WDR86: variants seen among roughly 807,000 people sequenced by gnomAD.
The protein encoded by WDR86 is WD repeat domain 86, also known as WD repeat-containing protein 86.
WDR86 carries 30 observed loss-of-function variants against 36.5 expected under a neutral mutation model. The observed-to-expected ratio is 0.82, with a 90% CI of 0.61 to 1.11. The LOEUF is 1.11. WDR86 is among the 50% of genes most tolerant of loss of function. WDR86 has a pLI of 0.00. For synonymous variants in WDR86, 255 were observed against 252.9 expected, an observed-to-expected ratio of 1.01 and a Z score of -0.08; for missense variants, 545 against 561.2, an observed-to-expected ratio of 0.97 and a Z score of 0.29.
intron 2 of WDR86, among the ~76,000 whole-genome samples, chr7:151,398,484 A>ATG (rs2150830378): frequency 1.3e-5 from 1 of 76,712 alleles, no homozygotes; most frequent in African/African-American, 4.3e-5. Context: ...TAAGGTGTGT[A>ATG]TGTGTATATG....
At chr7:151,404,228 T>TAA (rs148524576) in intron 1 of WDR86, among the ~76,000 whole-genome samples, 6 of 149,950 alleles carry the variant, frequency 4.0e-5, no homozygotes, top group Non-Finnish European at 7.4e-5. Context: ...AAGGAAGGTT[T>TAA]AAAAAAAAAA....
At chr7:151,392,594 C>A (rs548070101) in intron 3 of WDR86, among the ~76,000 whole-genome samples, 1 of 152,152 alleles carries the variant, frequency 6.6e-6, no homozygotes, top group Non-Finnish European at 1.5e-5. Context: ...ACGAGCCTGG[C>A]TCCCAGGTCG....
At position 151,405,945 on chromosome 7, in the gene WDR86, G is replaced by A. The variant is rs1003876713; in HGVS notation, c.163+3482C>T. Among the ~76,000 whole-genome samples, 1 of 152,040 alleles carries A rather than the reference G, an allele frequency of 6.6e-6. No individual in the cohort carries two copies. Among genetic ancestry groups the A allele is most frequent in the Non-Finnish European group, 1.5e-5 (1 of 68,030 alleles). On this transcript the variant is annotated intron_variant, in intron 1 of 5. Coordinates refer to ENST00000334493, the MANE Select transcript of WDR86 (RefSeq NM_198285.3). This position sits in a 1 kb window ranked among gnomAD's most constrained non-coding sequence, Gnocchi z 4.7. The stretch of plus-strand genomic sequence containing the variant: ...CCCCTACTCAACAGGAACAGGATAG[G>A]ATAGGTACTACCATTTTGGAAAATG...
chr7:151,371,258 C>T (rs1289708510), downstream of WDR86, among the ~76,000 whole-genome samples: 4 of 152,062 alleles, frequency 2.6e-5, no homozygotes, highest in South Asian at 2.1e-4. Flanking sequence ...ATTTATTGGC[C>T]GTTTACTTGT....
intron 3 of WDR86, among the ~76,000 whole-genome samples, chr7:151,393,939 G>C (rs761803925): frequency 2.6e-5 from 4 of 152,136 alleles, no homozygotes; most frequent in Non-Finnish European, 5.9e-5. Flanking sequence ...GCATAAGGAT[G>C]ATGTCGAGTT....
chr7:151,405,379 G>A lies in WDR86; in HGVS notation c.163+4048C>T, dbSNP rs1000807232. Among the ~76,000 whole-genome samples the A allele has an allele frequency of 6.6e-6, 1 of 152,104 alleles. No individual in the cohort carries two copies. Among genetic ancestry groups the A allele is most frequent in the Non-Finnish European group, 1.5e-5 (1 of 68,010 alleles). ...TCCAGGATGCAGTGGCTGCGTCCCC[G>A]ACTCAGGCCCAGAAGAGGTGACAGC... On this transcript the variant is annotated intron_variant, in intron 1 of 5. Coordinates refer to ENST00000334493, the MANE Select transcript of WDR86 (RefSeq NM_198285.3). The surrounding 1 kb of genome is among the most constrained non-coding windows in gnomAD (Gnocchi z 4.7).
chr7:151,377,481 G>T (rs1798355864), downstream of WDR86: 3 of 287,146 alleles, frequency 1.0e-5, no homozygotes, highest in African/African-American at 4.4e-5. Context: ...TCCCCAGCTT[G>T]GTGTTTTACC....
intron 4 of WDR86, 77 bp downstream of exon 4, chr7:151,385,011 A>C (rs1182434564): frequency 6.8e-7 from 1 of 1,461,764 alleles, no homozygotes; most frequent in African/African-American, 1.4e-5. Flanking sequence ...ATGAGGGAAA[A>C]TCCCATAGGA....
At chr7:151,372,972 A>T (rs561005069), downstream of WDR86, among the ~76,000 whole-genome samples, 4 of 152,164 alleles carry the variant, frequency 2.6e-5, no homozygotes, top group Admixed American at 2.6e-4. Flanking sequence ...ATCCCTGGAG[A>T]TGTTTCCAGC....
Position 151,381,737 on chromosome 7 carries a change from G to T in WDR86, c.976C>A (p.Gln326Lys), listed in dbSNP as rs1484406597. 4 of 1,514,572 alleles carry T rather than the reference G, an allele frequency of 2.6e-6. No individual in the cohort carries two copies. 93.8% of individuals were successfully genotyped at this position (1,514,572 alleles called of 1,614,324 possible). A position where few individuals can be genotyped will look rare whatever the true frequency, so the allele number is the denominator to read the frequency against. ...TCGTGCGAGGCGGTGTAGAGCACCTGGCCGTGCACCTGCGGGCGCAGGGGC... is the reference window on the plus strand; with the variant it reads ...TCGTGCGAGGCGGTGTAGAGCACCTTGCCGTGCACCTGCGGGCGCAGGGGC... ...FIINCIQVHG[Q>K]VLYTASHDGA... Residue 326 changes from glutamine (Q) to lysine (K), a missense_variant, in exon 6 of 6, where the codon CAG becomes AAG. Coordinates refer to ENST00000334493, the MANE Select transcript of WDR86 (RefSeq NM_198285.3). The surrounding 1 kb of genome is among the most constrained non-coding windows in gnomAD (Gnocchi z 4.8).
intron 1 of WDR86, 28 bp from the exon 2 acceptor site, chr7:151,400,269 A>G: frequency 1.3e-6 from 2 of 1,556,868 alleles, no homozygotes; most frequent in South Asian, 1.2e-5. Context: ...GGGAGATGTG[A>G]GCGTACTGGG....
At chr7:151,392,096 G>A (rs1055807953) in intron 3 of WDR86, among the ~76,000 whole-genome samples, 7 of 152,150 alleles carry the variant, frequency 4.6e-5, no homozygotes, top group African/African-American at 1.7e-4. Context: ...GCAGGGCAAG[G>A]TGCTGCCCAG....
At chr7:151,407,756 G>T (rs188842212) in intron 1 of WDR86, among the ~76,000 whole-genome samples, 1 of 152,108 alleles carries the variant, frequency 6.6e-6, no homozygotes, top group Non-Finnish European at 1.5e-5. Context: ...CAGGAGAATC[G>T]CTTGAACCCG....
In WDR86 at chr7:151,381,241, C is replaced by A. The variant is rs1236312064; in HGVS notation, c.*341G>T. On this transcript the variant is annotated 3_prime_UTR_variant, in exon 6 of 6. Coordinates refer to ENST00000334493, the MANE Select transcript of WDR86 (RefSeq NM_198285.3). The surrounding 1 kb of genome is among the most constrained non-coding windows in gnomAD (Gnocchi z 4.8). ...AGTCACTTCCTCTCAGCAGGAAAGG[C>A]CCAGTTTCGTGGGGCTGGGGGAGCT... 6 of 1,300,372 alleles carry A rather than the reference C, an allele frequency of 4.6e-6. No individual in the cohort carries two copies. In the African/African-American group the frequency reaches 9.3e-5, roughly 20 times the overall value. The allele number at this position is 1,300,372 out of a possible 1,614,324, so 80.6% of individuals were successfully genotyped here.
intron 4 of WDR86, among the ~76,000 whole-genome samples, chr7:151,384,393 G>A (rs7794724): frequency 0.013 from 1,978 of 152,342 alleles, 44 homozygotes; most frequent in African/African-American, 0.045. Flanking sequence ...GCCCTTGGAT[G>A]AAGCTTCCAG....
chr7:151,401,545 G>A lies in WDR86; in HGVS notation c.164-1304C>T. Reference sequence around the variant, plus strand: ...CGGGATGTAGCGCAGACTGAGGACAGAGGCAGCCGCAGAGGGAATGGCACA... The same window carrying A: ...CGGGATGTAGCGCAGACTGAGGACAAAGGCAGCCGCAGAGGGAATGGCACA... On this transcript the variant is annotated intron_variant, in intron 1 of 5. Coordinates refer to ENST00000334493, the MANE Select transcript of WDR86 (RefSeq NM_198285.3). This position sits in a 1 kb window ranked among gnomAD's most constrained non-coding sequence, Gnocchi z 4.3. Among the ~76,000 whole-genome samples, 1 of 152,208 alleles carries A rather than the reference G, an allele frequency of 6.6e-6. No homozygotes were observed. The highest frequency in any genetic ancestry group is 1.5e-5 in the Non-Finnish European group (1 of 68,038).
intron 1 of WDR86, among the ~76,000 whole-genome samples, chr7:151,402,692 A>G (rs892755411): frequency 6.6e-6 from 1 of 152,196 alleles, no homozygotes; most frequent in Non-Finnish European, 1.5e-5. Flanking sequence ...TGTGGCCAGA[A>G]TGGAGGGCCA....
chr7:151,405,590 C>G lies in WDR86; in HGVS notation c.163+3837G>C, dbSNP rs1396585053. ...TGGACACTGACGTGGCCACCAGAGA[C>G]TTGTAGCAAATCTGCAAGCCCCCAC... On this transcript the variant is annotated intron_variant, in intron 1 of 5. Transcript: ENST00000334493. This position sits in a 1 kb window ranked among gnomAD's most constrained non-coding sequence, Gnocchi z 4.7. 6.6e-6 allele frequency among the ~76,000 whole-genome samples: 1 copy of G among 152,182 alleles called. No homozygotes were observed. Among genetic ancestry groups the G allele is most frequent in the Admixed American group, 6.5e-5 (1 of 15,284 alleles).
downstream of WDR86, among the ~76,000 whole-genome samples, chr7:151,379,883 G>A (rs188039205): frequency 1.6e-3 from 249 of 151,334 alleles, 2 homozygotes; most frequent in African/African-American, 5.5e-3. Flanking sequence ...CAGTGTGAAC[G>A]TCTGTGCAGG....
Sources: gnomAD v4.1 joint callset for allele counts (sites outside exome capture counted in the v4.1 genomes callset) on GRCh38, gnomAD v4.1.1 for gene constraint, Gnocchi (gnomAD v3.1) non-coding constraint, MANE v1.5 for transcripts, NCBI Gene and HGNC (gene_info 2026-07-23, HGNC 2026-07-21) for gene names.